Variants in AGBL1 observed in about 807,000 individuals in gnomAD.
The protein encoded by AGBL1 is cytosolic carboxypeptidase 4.
A neutral mutation model predicts 118.9 loss-of-function variants in AGBL1; 130 were observed. That is an observed-to-expected ratio of 1.09 (90% CI 0.95 to 1.26). The LOEUF is 1.26. AGBL1 is among the 50% of genes most tolerant of loss of function. AGBL1 has a pLI of 0.00. For synonymous variants in AGBL1, 555 were observed against 478.9 expected (o/e 1.16, Z -2.08); for missense variants, 1,584 against 1,298.1 (o/e 1.22, Z -3.38).
intron 18 of AGBL1, among the ~76,000 whole-genome samples, chr15:86,416,842 C>G (rs1324380529): frequency 2.6e-5 from 4 of 152,126 alleles, no homozygotes; most frequent in African/African-American, 9.7e-5. Context: ...ATAGGCTTAG[C>G]AATTCGATGC....
rs764420756 is a variant in AGBL1 at position 86,154,466 on chromosome 15, C to G, written c.299C>G (p.Ala100Gly). Reference sequence around the variant, plus strand: ...GGACGGAAGGCCCTAGAATTGGAAGCACTTGATGTGACATTGATTCTGGCC... The same window carrying G: ...GGACGGAAGGCCCTAGAATTGGAAGGACTTGATGTGACATTGATTCTGGCC... ...KIGRKALELE[A>G]LDVTLILARK... Residue 100 changes from alanine (A) to glycine (G), a missense_variant, in exon 4 of 23, where the codon GCA (alanine) becomes GGA (glycine). Transcript: ENST00000614907. The G allele has an allele frequency of 7.4e-6, 12 of 1,612,812 alleles. No individual in the cohort carries two copies. In the Admixed American group the frequency reaches 2.0e-4, roughly 27 times the overall value.
At chr15:86,216,395 A>T (rs926757706) in intron 5 of AGBL1, among the ~76,000 whole-genome samples, 1 of 152,082 alleles carries the variant, frequency 6.6e-6, no homozygotes, top group African/African-American at 2.4e-5. Flanking sequence ...TTAACTGTGG[A>T]TTTTCTATAG....
chr15:86,085,355 T>C (rs1023140757), intron 1 of AGBL1, among the ~76,000 whole-genome samples: 10 of 152,080 alleles, frequency 6.6e-5, no homozygotes, highest in Admixed American at 3.3e-4. Context: ...TGACAGTTCA[T>C]GAAGGGGAAG....
At chr15:86,279,548 A>T in intron 15 of AGBL1, 91 bp from the exon 16 acceptor site, 1 of 1,294,496 alleles carries the variant, frequency 7.7e-7, no homozygotes, top group Non-Finnish European at 1.1e-6. Flanking sequence ...TATATAACGC[A>T]CAAGATTTAT....
chr15:86,355,179 T>C (rs2080693678), intron 17 of AGBL1, among the ~76,000 whole-genome samples: 1 of 152,244 alleles, frequency 6.6e-6, no homozygotes, highest in South Asian at 2.1e-4. Flanking sequence ...CTGAAGTCTT[T>C]AGATTTGTCA....
chr15:86,627,561 G>C (rs1285785736), intron 21 of AGBL1, among the ~76,000 whole-genome samples: 1 of 152,132 alleles, frequency 6.6e-6, no homozygotes, highest in Non-Finnish European at 1.5e-5. Context: ...GGTGCTGTTA[G>C]GATAAGCAGA....
intron 1 of AGBL1, among the ~76,000 whole-genome samples, chr15:86,097,008 A>G (rs1267915090): frequency 1.3e-5 from 2 of 152,168 alleles, no homozygotes; most frequent in Non-Finnish European, 2.9e-5. Context: ...TTCCTGGAAG[A>G]TATCAGACCC....
At chr15:87,001,195 C>T (rs1032939277) in intron 24 of AGBL1, among the ~76,000 whole-genome samples, 5 of 149,248 alleles carry the variant, frequency 3.4e-5, no homozygotes, top group African/African-American at 1.0e-4. Context: ...TTGACTTCCT[C>T]TTTTCCTAAT....
At chr15:86,467,191 A>G (rs990414481) in intron 18 of AGBL1, among the ~76,000 whole-genome samples, 12 of 152,024 alleles carry the variant, frequency 7.9e-5, no homozygotes, top group African/African-American at 2.9e-4. Context: ...GAATCTAGAG[A>G]TGCAGTCTGG....
At chr15:86,642,542 TTAA>T (rs1476332154) in intron 21 of AGBL1, among the ~76,000 whole-genome samples, 4 of 152,232 alleles carry the variant, frequency 2.6e-5, no homozygotes, top group Admixed American at 6.5e-5. Flanking sequence ...TATTTCTAAT[TTAA>T]TAAGAATTTT....
intron 18 of AGBL1, among the ~76,000 whole-genome samples, chr15:86,518,988 A>G (rs1467034157): frequency 6.6e-6 from 1 of 151,864 alleles, no homozygotes; most frequent in Non-Finnish European, 1.5e-5. Flanking sequence ...AGCTTTTTAA[A>G]ATAAGGAGGA....
At chr15:86,345,018 G>C (rs1359874550) in intron 17 of AGBL1, among the ~76,000 whole-genome samples, 1 of 152,076 alleles carries the variant, frequency 6.6e-6, no homozygotes, top group Non-Finnish European at 1.5e-5. Context: ...TTTGTTTAAA[G>C]CATATTAATT....
At chr15:86,720,466 C>A (rs1231254776) in intron 22 of AGBL1, among the ~76,000 whole-genome samples, 1 of 152,162 alleles carries the variant, frequency 6.6e-6, no homozygotes, top group African/African-American at 2.4e-5. Flanking sequence ...CTTCTTCTTA[C>A]CATAGAACAT....
At chr15:86,724,495 G>T (rs917643575) in intron 22 of AGBL1, among the ~76,000 whole-genome samples, 2 of 152,098 alleles carry the variant, frequency 1.3e-5, no homozygotes, top group East Asian at 1.9e-4. Flanking sequence ...AATAGTGAAG[G>T]TATAATCTTT....
chr15:86,432,888 A>G lies in AGBL1; in HGVS notation c.2555+35342A>G, dbSNP rs141806176. ...TAAGCCAGTGTGTCAGCACAGGGGC[A>G]GGTTGCACTGACTGGAGTGGCCCCT... On this transcript the variant is annotated intron_variant, in intron 18 of 22. Coordinates refer to ENST00000614907, the MANE Select transcript of AGBL1 (RefSeq NM_001386094.1). Among the ~76,000 whole-genome samples the G allele has an allele frequency of 2.7e-3, 408 of 152,354 alleles. 2 individuals are homozygous for G. The highest frequency in any genetic ancestry group is 9.3e-3 in the African/African-American group (385 of 41,578).
intron 5 of AGBL1, among the ~76,000 whole-genome samples, chr15:86,193,908 A>T (rs915490817): frequency 2.0e-5 from 3 of 152,218 alleles, no homozygotes; most frequent in Non-Finnish European, 2.9e-5. Context: ...TGGCAAGCCC[A>T]TCAGGCCAAG....
chr15:86,565,743 G>C (rs1334205995), intron 21 of AGBL1, among the ~76,000 whole-genome samples: 4 of 152,236 alleles, frequency 2.6e-5, no homozygotes, highest in Non-Finnish European at 4.4e-5. Flanking sequence ...AGTCTACAGA[G>C]GCAGGCAGGC....
chr15:86,154,741 C>A (rs2141691852), intron 4 of AGBL1, among the ~76,000 whole-genome samples, 180 bp downstream of exon 4: 1 of 152,274 alleles, frequency 6.6e-6, no homozygotes, highest in Admixed American at 6.5e-5. Context: ...GTTACTTCAT[C>A]ATCTTCTCCT....
intron 23 of AGBL1, among the ~76,000 whole-genome samples, chr15:86,934,696 C>T (rs1159681742): frequency 2.5e-5 from 2 of 79,302 alleles, no homozygotes; most frequent in Non-Finnish European, 6.7e-5. Flanking sequence ...TAATACAGTA[C>T]TTCAACAGTA....
Sources: gnomAD v4.1 joint callset for allele counts (sites outside exome capture counted in the v4.1 genomes callset) on GRCh38, gnomAD v4.1.1 for gene constraint, MANE v1.5 for transcripts, NCBI Gene and HGNC (gene_info 2026-07-23, HGNC 2026-07-21) for gene names.